NR1H4: variants seen among roughly 807,000 people sequenced by gnomAD.
The protein encoded by NR1H4 is bile acid receptor.
NR1H4 carries 23 observed loss-of-function variants against 58.5 expected under a neutral mutation model. That is an observed-to-expected ratio of 0.39 (90% CI 0.28 to 0.56). The LOEUF (loss-of-function observed/expected upper bound fraction) is 0.56. NR1H4 is among the 20% of genes least tolerant of loss of function. The pLI, the probability that NR1H4 is intolerant of heterozygous loss-of-function variation, is 0.58. For synonymous variants in NR1H4, 214 were observed against 198.0 expected, an observed-to-expected ratio of 1.08 and a Z score of -0.68; for missense variants, 487 against 576.9, an observed-to-expected ratio of 0.84 and a Z score of 1.60.
chr12:100,498,824 T>A (rs967649159), intron 3 of NR1H4, among the ~76,000 whole-genome samples: 1 of 152,202 alleles, frequency 6.6e-6, no homozygotes, highest in East Asian at 1.9e-4. Flanking sequence ...AGGAGGTAGA[T>A]CCTATACAAT....
chr12:100,492,811 C>CA (rs889461892), intron 2 of NR1H4, among the ~76,000 whole-genome samples, 174 bp downstream of exon 2: 9 of 151,598 alleles, frequency 5.9e-5, no homozygotes, highest in East Asian at 1.9e-4. Flanking sequence ...CCTAAATAGT[C>CA]AAAAAAAATT....
At chr12:100,562,171 CTT>C (rs1955491232) in intron 10 of NR1H4, among the ~76,000 whole-genome samples, 173 bp downstream of exon 10, 1 of 152,140 alleles carries the variant, frequency 6.6e-6, no homozygotes, top group African/African-American at 2.4e-5. Flanking sequence ...TCTTTTCAGT[CTT>C]TTTAAAAAAT....
chr12:100,502,742 A>G (rs527385649), intron 3 of NR1H4, among the ~76,000 whole-genome samples: 105 of 152,210 alleles, frequency 6.9e-4, no homozygotes, highest in Non-Finnish European at 1.2e-3. Context: ...TCAGTTCTTT[A>G]TTACAAAAAA....
Position 100,540,850 on chromosome 12 carries a change from G to T in NR1H4, c.1078+32G>T, listed in dbSNP as rs754091511. 5 of 1,611,530 alleles carry T rather than the reference G, an allele frequency of 3.1e-6. No individual in the cohort carries two copies. The South Asian group carries it at 5.5e-5, about 18-fold the overall frequency. On this transcript the variant is annotated intron_variant, in intron 9 of 10. Coordinates refer to ENST00000392986, the MANE Select transcript of NR1H4 (RefSeq NM_001206979.2). The stretch of plus-strand genomic sequence containing the variant: ...GATTTGGCTAATGGTAAAAGAGTTT[G>T]TTTCTAGGAGTAAAATTGGTGTGCT...
chr12:100,512,220 G>C (rs916093517), intron 4 of NR1H4, among the ~76,000 whole-genome samples: 1 of 152,228 alleles, frequency 6.6e-6, no homozygotes, highest in East Asian at 1.9e-4. Context: ...ATGACAGAGA[G>C]AGACCCTGCC....
chr12:100,505,430 A>G (rs984666311), intron 3 of NR1H4: 3 of 462,416 alleles, frequency 6.5e-6, no homozygotes, highest in Non-Finnish European at 1.1e-5. Context: ...CAAGGGTTCA[A>G]TATCCCTATG....
chr12:100,535,616 A>C (rs1954795968), intron 6 of NR1H4, among the ~76,000 whole-genome samples: 1 of 152,262 alleles, frequency 6.6e-6, no homozygotes, highest in Admixed American at 6.5e-5. Context: ...GTAAGCTATG[A>C]TTGTCCAAAC....
At chr12:100,524,777 G>T (rs964519287) in intron 4 of NR1H4, among the ~76,000 whole-genome samples, 1 of 152,070 alleles carries the variant, frequency 6.6e-6, no homozygotes, top group Admixed American at 6.6e-5. Flanking sequence ...GTATTTTATT[G>T]TTTCTTTCTT....
At chr12:100,539,819 A>C (rs1372270234) in intron 8 of NR1H4, among the ~76,000 whole-genome samples, 1 of 152,228 alleles carries the variant, frequency 6.6e-6, no homozygotes, top group East Asian at 1.9e-4. Flanking sequence ...TCTATAAACT[A>C]AAATAAAGCA....
chr12:100,559,690 C>G (rs904720055), intron 9 of NR1H4, among the ~76,000 whole-genome samples: 2 of 152,220 alleles, frequency 1.3e-5, no homozygotes, highest in East Asian at 1.9e-4. Context: ...CTGTGCGGCC[C>G]AAGCCTCCCC....
chr12:100,551,671 A>G (rs1171370655), intron 9 of NR1H4, among the ~76,000 whole-genome samples: 2 of 152,180 alleles, frequency 1.3e-5, no homozygotes, highest in African/African-American at 4.8e-5. Flanking sequence ...GGCAGAATCC[A>G]TTGTTCCTCA....
At position 100,493,402 on chromosome 12, in the gene NR1H4, G is replaced by C. The variant is rs1313639936; in HGVS notation, c.79G>C (p.Gly27Arg). 1.4e-6 allele frequency: 2 copies of C among 1,438,432 alleles called. No homozygotes were observed. Among genetic ancestry groups the C allele is most frequent in the South Asian group, 2.4e-5 (2 of 84,146 alleles). The allele number at this position is 1,438,432 out of a possible 1,614,324, so 89.1% of individuals were successfully genotyped here. A position where few individuals can be genotyped will look rare whatever the true frequency, so the allele number is the denominator to read the frequency against. ...ATTTTCTTTTTCTGAAAATTTATTT[G>C]GTAAGTTGTCAAGTTCATTTGAATA... The part of the protein sequence containing the change: ...DEFSFSENLF[G>R]VLTEQVAGPL... Residue 27 changes from glycine (G) to arginine (R), a missense_variant and splice_region_variant, in exon 3 of 11, where the codon GGT becomes CGT. By Grantham distance (125) the Gly-to-Arg change is moderately radical (BLOSUM62 -2). Coordinates refer to ENST00000392986, the MANE Select transcript of NR1H4 (RefSeq NM_001206979.2).
At chr12:100,560,154 A>C (rs1303208483) in intron 9 of NR1H4, among the ~76,000 whole-genome samples, 2 of 152,044 alleles carry the variant, frequency 1.3e-5, no homozygotes, top group African/African-American at 4.8e-5. Flanking sequence ...GACGTGGAGA[A>C]CCTTTGTATC....
chr12:100,483,597 A>T (rs1953427085), intron 1 of NR1H4, among the ~76,000 whole-genome samples: 1 of 152,210 alleles, frequency 6.6e-6, no homozygotes, highest in Admixed American at 6.5e-5. Context: ...TGTCCTGGAA[A>T]GAACTTCAGT....
At chr12:100,520,360 G>A (rs1458236108) in intron 4 of NR1H4, among the ~76,000 whole-genome samples, 1 of 152,012 alleles carries the variant, frequency 6.6e-6, no homozygotes, top group African/African-American at 2.4e-5. Flanking sequence ...AAGCAGAAAA[G>A]AATTAATACA....
At chr12:100,542,808 C>T (rs1954968451) in intron 9 of NR1H4, among the ~76,000 whole-genome samples, 1 of 152,056 alleles carries the variant, frequency 6.6e-6, no homozygotes, top group Non-Finnish European at 1.5e-5. Flanking sequence ...AAACAAAAAG[C>T]ATAATTAGCA....
At chr12:100,514,478 C>T (rs539603072) in intron 4 of NR1H4, among the ~76,000 whole-genome samples, 2 of 152,238 alleles carry the variant, frequency 1.3e-5, no homozygotes, top group East Asian at 1.9e-4. Context: ...CTGAAAAACT[C>T]TGTTGTGGGG....
rs536099498 is a variant in NR1H4 at position 100,541,497 on chromosome 12, GT to G, written c.1078+680del. Among the ~76,000 whole-genome samples the G allele has an allele frequency of 2.2e-3, 329 of 151,994 alleles. 1 individual carries two copies. The highest frequency in any genetic ancestry group is 3.9e-3 in the Non-Finnish European group (266 of 67,974). ...GAGTTTCTCCATGTTTCCCGAGCTG[GT>G]CTCAAACTCTTGGTCTCAAGCGATC... is the stretch of plus-strand genomic sequence containing the variant. On this transcript the variant is annotated intron_variant, in intron 9 of 10. Coordinates refer to ENST00000392986, the MANE Select transcript of NR1H4 (RefSeq NM_001206979.2).
At chr12:100,524,129 T>C (rs1954496508) in intron 4 of NR1H4, among the ~76,000 whole-genome samples, 1 of 151,740 alleles carries the variant, frequency 6.6e-6, no homozygotes, top group Non-Finnish European at 1.5e-5. Context: ...CAAGAAAAAA[T>C]GTTTAAAGCA....
Sources: allele counts gnomAD v4.1 joint callset (sites outside exome capture counted in the v4.1 genomes callset), GRCh38; gene constraint gnomAD v4.1.1; transcripts MANE v1.5; gene names NCBI Gene and HGNC (gene_info 2026-07-23, HGNC 2026-07-21).